Variants in KCND3 observed in about 807,000 individuals in gnomAD.
The protein encoded by KCND3 is potassium voltage-gated channel subfamily D member 3.
In KCND3, 9 loss-of-function variants were observed where a neutral mutation model predicts 51.1. That is an observed-to-expected ratio of 0.18 (90% CI 0.11 to 0.31). The LOEUF is 0.31. KCND3 is among the 10% of genes least tolerant of loss of function. The pLI, the probability that KCND3 is intolerant of heterozygous loss-of-function variation, is 1.00. For missense variants in KCND3, 526 were observed against 903.8 expected (o/e 0.58, Z 5.36); for synonymous variants, 349 against 368.0 (o/e 0.95, Z 0.59).
chr1:111,895,271 A>C (rs1458293216), intron 2 of KCND3, among the ~76,000 whole-genome samples: 1 of 151,554 alleles, frequency 6.6e-6, no homozygotes, highest in African/African-American at 2.4e-5. Flanking sequence ...GCTGTAGACC[A>C]GACTGCCTGG....
At chr1:111,970,022 T>C (rs1001791049) in intron 2 of KCND3, among the ~76,000 whole-genome samples, 3 of 146,354 alleles carry the variant, frequency 2.0e-5, no homozygotes, top group African/African-American at 7.5e-5. Context: ...TCTCTCTCTC[T>C]TTTTTTTTTT....
chr1:111,929,578 T>C (rs192144349), intron 2 of KCND3, among the ~76,000 whole-genome samples: 4 of 152,322 alleles, frequency 2.6e-5, no homozygotes, highest in African/African-American at 9.6e-5. Flanking sequence ...TTCTCACCTC[T>C]GAGTAAGCAC....
intron 2 of KCND3, among the ~76,000 whole-genome samples, chr1:111,893,193 T>A (rs925549857): frequency 6.6e-6 from 1 of 152,174 alleles, no homozygotes; most frequent in Non-Finnish European, 1.5e-5. Flanking sequence ...GTGATGTAGC[T>A]GATGAAGGCT....
chr1:111,882,341 C>T lies in KCND3; in HGVS notation c.1107-95235G>A, dbSNP rs11102352. On this transcript the variant is annotated intron_variant, in intron 2 of 7. Transcript: ENST00000302127. ...TCGAGTGGGGCAGGGCCTCTGGCGT[C>T]CGGTTTGGATGCCCAGCAGGGCCCA... Among the ~76,000 whole-genome samples the T allele has an allele frequency of 5.7e-3, 875 of 152,318 alleles. 6 individuals carry two copies. Among genetic ancestry groups the T allele is most frequent in the African/African-American group, 0.02 (834 of 41,562 alleles).
At chr1:111,860,084 A>C (rs950145918) in intron 2 of KCND3, among the ~76,000 whole-genome samples, 10 of 152,254 alleles carry the variant, frequency 6.6e-5, no homozygotes, top group African/African-American at 1.7e-4. Flanking sequence ...AGTTGACACA[A>C]GTTTCACCGT....
rs553614857 is a variant in KCND3, at chr1:111,845,170, T to A, written c.1107-58064A>T. On this transcript the variant is annotated intron_variant, in intron 2 of 7. Transcript: ENST00000302127. ...GCGCTCTTCAGTCTGAAGAGCAAAG[T>A]TTTTGGCAGCCTCTTTGCAGCATCT... is the stretch of plus-strand genomic sequence containing the variant. Among the ~76,000 whole-genome samples, 425 of 152,204 alleles carry A rather than the reference T, an allele frequency of 2.8e-3. 3 individuals carry two copies. The highest frequency in any genetic ancestry group is 9.8e-3 in the African/African-American group (405 of 41,522).
At chr1:111,938,114 T>A (rs1044224513) in intron 2 of KCND3, among the ~76,000 whole-genome samples, 2 of 152,076 alleles carry the variant, frequency 1.3e-5, no homozygotes, top group Non-Finnish European at 2.9e-5. Flanking sequence ...TAAGCCCTCA[T>A]AAAAACAGAA....
At chr1:111,850,411 A>T (rs1229519876) in intron 2 of KCND3, among the ~76,000 whole-genome samples, 3 of 152,140 alleles carry the variant, frequency 2.0e-5, no homozygotes, top group African/African-American at 7.2e-5. Context: ...CTGCTGTGCC[A>T]TCTGGGGACC....
intron 2 of KCND3, among the ~76,000 whole-genome samples, chr1:111,972,031 T>C (rs1347735279): frequency 1.3e-5 from 2 of 152,198 alleles, no homozygotes; most frequent in Non-Finnish European, 2.9e-5. Flanking sequence ...ATCTTCCTGA[T>C]CAATACACAC....
chr1:111,969,792 A>G (rs1571921028), intron 2 of KCND3, among the ~76,000 whole-genome samples: 2 of 152,066 alleles, frequency 1.3e-5, no homozygotes, highest in African/African-American at 4.8e-5. Context: ...AGACTCAAAC[A>G]CAGCTATTAA....
chr1:111,963,273 C>T (rs1182553786), intron 2 of KCND3, among the ~76,000 whole-genome samples: 2 of 152,178 alleles, frequency 1.3e-5, no homozygotes, highest in African/African-American at 4.8e-5. Context: ...TTCAGAGCCC[C>T]ACAAAGGAAT....
Position 111,771,186 on chromosome 1 carries a change from A to T in KCND3, c.*4891T>A, listed in dbSNP as rs1185138599. 1 of 152,164 alleles carries T rather than the reference A, an allele frequency of 6.6e-6. No individual in the cohort carries two copies. Among genetic ancestry groups the T allele is most frequent in the Admixed American group, 6.5e-5 (1 of 15,268 alleles). 9.4% of individuals were successfully genotyped at this position (152,164 alleles called of 1,614,324 possible). ...TCCCACACTTGAGAAAAAACACAGA[A>T]CATTCTGAATAGAAAACAAGACTTA... On this transcript the variant is annotated 3_prime_UTR_variant, in exon 8 of 8. Transcript: ENST00000302127.
chr1:111,895,329 G>A (rs1670054624), intron 2 of KCND3, among the ~76,000 whole-genome samples: 1 of 152,074 alleles, frequency 6.6e-6, no homozygotes, highest in South Asian at 2.1e-4. Context: ...GAGGCCTTTG[G>A]GCAAAAACGT....
intron 2 of KCND3, among the ~76,000 whole-genome samples, chr1:111,824,257 C>T (rs1024174159): frequency 1.3e-5 from 2 of 152,128 alleles, no homozygotes; most frequent in Non-Finnish European, 2.9e-5. Context: ...GGGAAAGGGC[C>T]GGTAGTTGAA....
intron 2 of KCND3, among the ~76,000 whole-genome samples, chr1:111,831,572 T>C (rs1352357852): frequency 1.3e-5 from 2 of 152,224 alleles, no homozygotes; most frequent in African/African-American, 2.4e-5. Context: ...GGTATTTCTT[T>C]ATAGCAGAGT....
At chr1:111,934,846 G>A (rs1374994295) in intron 2 of KCND3, among the ~76,000 whole-genome samples, 1 of 152,184 alleles carries the variant, frequency 6.6e-6, no homozygotes, top group East Asian at 1.9e-4. Context: ...CCATAAAATG[G>A]AGATACTAAT....
chr1:111,817,792 A>C (rs1294614241), intron 2 of KCND3, among the ~76,000 whole-genome samples: 1 of 152,246 alleles, frequency 6.6e-6, no homozygotes, highest in African/African-American at 2.4e-5. Flanking sequence ...TGTTGTAATC[A>C]AGCGAAACCC....
At chr1:111,875,151 T>C (rs1170825099) in intron 2 of KCND3, among the ~76,000 whole-genome samples, 1 of 152,248 alleles carries the variant, frequency 6.6e-6, no homozygotes, top group African/African-American at 2.4e-5. Context: ...TGGCAGTGAC[T>C]GGAATGCATG....
intron 2 of KCND3, among the ~76,000 whole-genome samples, chr1:111,849,266 A>G (rs1311094013): frequency 1.3e-5 from 2 of 152,208 alleles, no homozygotes; most frequent in Non-Finnish European, 2.9e-5. Flanking sequence ...TTTCCTGGTG[A>G]GCAGAAGACA....
Sources: gnomAD v4.1 joint callset for allele counts (sites outside exome capture counted in the v4.1 genomes callset) on GRCh38, gnomAD v4.1.1 for gene constraint, MANE v1.5 for transcripts, NCBI Gene and HGNC (gene_info 2026-07-23, HGNC 2026-07-21) for gene names.